CNOT10: variants seen among roughly 807,000 people sequenced by gnomAD.
CNOT10 encodes CCR4-NOT transcription complex, subunit 10.
A neutral mutation model predicts 94.6 loss-of-function variants in CNOT10; 30 were observed. The observed-to-expected ratio is 0.32, with a 90% CI of 0.24 to 0.43. CNOT10 has a LOEUF of 0.43. Among genes scored for constraint, CNOT10 ranks in the 20% least tolerant of loss-of-function variants. CNOT10 has a pLI of 1.00. For missense variants in CNOT10, 759 were observed against 877.2 expected (o/e 0.87, Z 1.70); for synonymous variants, 289 against 301.6 (o/e 0.96, Z 0.43).
chr3:32,693,239 C>A (rs1270034309), intron 1 of CNOT10, among the ~76,000 whole-genome samples: 1 of 151,766 alleles, frequency 6.6e-6, no homozygotes, highest in East Asian at 1.9e-4. Context: ...TTTTTTGAGG[C>A]AGGCTTTCAC....
chr3:32,736,592 T>A (rs1461771752), intron 12 of CNOT10, among the ~76,000 whole-genome samples: 4 of 152,196 alleles, frequency 2.6e-5, no homozygotes, highest in South Asian at 4.1e-4. Context: ...CTGTCCAACA[T>A]AATGAGACCC....
intron 1 of CNOT10, among the ~76,000 whole-genome samples, chr3:32,702,916 GTTT>G (rs112213079): frequency 7.1e-6 from 1 of 140,260 alleles, no homozygotes; most frequent in African/African-American, 2.6e-5. Context: ...GTTTTTTGTT[GTTT>G]TTTTTTTTTT....
chr3:32,764,839 T>C (rs756851478), intron 17 of CNOT10, 30 bp downstream of exon 17: 1 of 1,606,798 alleles, frequency 6.2e-7, no homozygotes, highest in African/African-American at 1.3e-5. Context: ...AACTGAACCT[T>C]GTAAAGCAGC....
At chr3:32,737,322 A>T in intron 12 of CNOT10, 88 bp from the exon 13 acceptor site, 2 of 829,624 alleles carry the variant, frequency 2.4e-6, no homozygotes, top group Admixed American at 2.4e-5. Context: ...TCAAAAAAAA[A>T]GTTGGGAGTA....
In CNOT10 at chr3:32,735,018, G is replaced by C. The variant is rs557937272; in HGVS notation, c.1514+42G>C. On this transcript the variant is annotated intron_variant, in intron 12 of 18. Transcript: ENST00000328834. ...GACCTCCTTTGGCAAAATCCTTTCA[G>C]GACTTCTTTAGTAAACCCTTTGTTC... 4.3e-5 allele frequency: 65 copies of C among 1,528,024 alleles called. 1 individual carries two copies. The East Asian group carries it at 1.4e-3, about 32-fold the overall frequency. 94.7% of individuals were successfully genotyped at this position (1,528,024 alleles called of 1,614,324 possible).
chr3:32,750,830 G>A (rs180874879), intron 13 of CNOT10, among the ~76,000 whole-genome samples: 31 of 152,256 alleles, frequency 2.0e-4, no homozygotes, highest in South Asian at 6.2e-4. Flanking sequence ...GATTACAGGC[G>A]TGAGCCACCG....
chr3:32,741,768 C>CAAAAAAAAAAAAAAAAAAAAA (rs529423159), intron 13 of CNOT10, among the ~76,000 whole-genome samples: 15 of 86,500 alleles, frequency 1.7e-4, no homozygotes, highest in East Asian at 4.0e-4. Flanking sequence ...GACTCCGTCT[C>CAAAAAAAAAAAAAAAAAAAAA]AAAAAAAAAA....
At chr3:32,744,755 G>T (rs1163842708) in intron 13 of CNOT10, among the ~76,000 whole-genome samples, 2 of 152,136 alleles carry the variant, frequency 1.3e-5, no homozygotes, top group African/African-American at 4.8e-5. Context: ...ATCCTTGAGG[G>T]ATTGGTTCTA....
chr3:32,773,498 C>A lies in CNOT10; in HGVS notation c.2122C>A (p.Leu708Met). Residue 708 changes from leucine (L) to methionine (M), a missense_variant, in exon 19 of 19, where the codon CTG becomes ATG. Physicochemically the swap from Leu to Met is conservative, Grantham distance 15. Coordinates refer to ENST00000328834, the MANE Select transcript of CNOT10 (RefSeq NM_015442.3). The part of the protein sequence containing the change: ...LALQIIKRNQ[L>M]LPAVKTHSEV... Reference sequence around the variant, plus strand: ...CTTACAGATCATCAAAAGGAATCAGCTGCTCCCTGCAGTGAAAACACACTC... The same window carrying A: ...CTTACAGATCATCAAAAGGAATCAGATGCTCCCTGCAGTGAAAACACACTC... The A allele has an allele frequency of 6.2e-7, 1 of 1,613,988 alleles. No individual in the cohort carries two copies. Among genetic ancestry groups the A allele is most frequent in the Middle Eastern group, 1.6e-4 (1 of 6,062 alleles).
At chr3:32,701,129 G>A (rs1024666172) in intron 1 of CNOT10, among the ~76,000 whole-genome samples, 6 of 152,152 alleles carry the variant, frequency 3.9e-5, no homozygotes, top group African/African-American at 7.2e-5. Flanking sequence ...AAAAAAATTA[G>A]CCAGGTGTGG....
At chr3:32,704,130 G>A (rs977332333) in intron 2 of CNOT10, among the ~76,000 whole-genome samples, 168 bp downstream of exon 2, 11 of 152,132 alleles carry the variant, frequency 7.2e-5, no homozygotes, top group African/African-American at 2.4e-4. Context: ...GTTTAAATAT[G>A]GTGAAAGGAA....
chr3:32,688,872 G>C (rs111817514), intron 1 of CNOT10, among the ~76,000 whole-genome samples: 5 of 151,972 alleles, frequency 3.3e-5, no homozygotes, highest in African/African-American at 4.8e-5. Flanking sequence ...CTTTGATCAC[G>C]CCACTGTCCA....
intron 13 of CNOT10, among the ~76,000 whole-genome samples, chr3:32,755,432 C>T (rs948050357): frequency 1.5e-4 from 23 of 151,158 alleles, no homozygotes; most frequent in African/African-American, 5.1e-4. Flanking sequence ...AATTCTCCTG[C>T]CTCAGCCTCC....
At chr3:32,706,912 A>T (rs1256474566) in intron 3 of CNOT10, among the ~76,000 whole-genome samples, 1 of 152,234 alleles carries the variant, frequency 6.6e-6, no homozygotes, top group Non-Finnish European at 1.5e-5. Flanking sequence ...CTAACATTTG[A>T]ACCATGTCAA....
chr3:32,717,185 C>A lies in CNOT10; in HGVS notation c.692C>A (p.Ser231Tyr). The A allele has an allele frequency of 6.2e-7, 1 of 1,609,302 alleles. No homozygotes were observed. The highest frequency in any genetic ancestry group is 8.5e-7 in the Non-Finnish European group (1 of 1,177,032). ...YKVRAYIQMK[S>Y]LKACKREIKS... Reference sequence around the variant, plus strand: ...GTACGAGCTTATATCCAAATGAAGTCTCTGAAAGCATGTAAAAGGGAAATC... The same window carrying A: ...GTACGAGCTTATATCCAAATGAAGTATCTGAAAGCATGTAAAAGGGAAATC... The change falls in exon 7 of 19, where the codon TCT becomes TAT. Residue 231 changes from serine (S) to tyrosine (Y), a missense_variant. Transcript: ENST00000328834.
intron 18 of CNOT10, among the ~76,000 whole-genome samples, chr3:32,771,632 CTAGA>C (rs551629919): frequency 3.9e-5 from 6 of 151,928 alleles, no homozygotes; most frequent in East Asian, 1.9e-4. Context: ...CTATATCTAT[CTAGA>C]TAGATAGATA....
intron 8 of CNOT10, among the ~76,000 whole-genome samples, chr3:32,721,686 G>T (rs1188886115): frequency 7.2e-6 from 1 of 138,354 alleles, no homozygotes. Flanking sequence ...TCCCTCCGTC[G>T]CCCAGGCTGG....
chr3:32,715,440 A>G (rs561753274), intron 5 of CNOT10, among the ~76,000 whole-genome samples: 54 of 152,316 alleles, frequency 3.5e-4, no homozygotes, highest in African/African-American at 1.3e-3. Flanking sequence ...AGAGAAATGC[A>G]GAGGAGAGCA....
chr3:32,725,463 A>G lies in CNOT10; in HGVS notation c.876A>G (p.Arg292=). ...CATTTTTTTCAGGTGAATGCTTGAG[A>G]TGCATGTTCTGGAATAACCTTGGTT... ...PGFMKTGECL[R]CMFWNNLGCI... The change falls in exon 9 of 19, where the codon AGA becomes AGG. Residue 292 remains arginine, a synonymous_variant. Coordinates refer to ENST00000328834, the MANE Select transcript of CNOT10 (RefSeq NM_015442.3). The G allele has an allele frequency of 1.2e-6, 2 of 1,613,190 alleles. No individual in the cohort carries two copies. Among genetic ancestry groups the G allele is most frequent in the Non-Finnish European group, 1.7e-6 (2 of 1,179,706 alleles).
Sources: gnomAD v4.1 joint callset for allele counts (sites outside exome capture counted in the v4.1 genomes callset) on GRCh38, gnomAD v4.1.1 for gene constraint, MANE v1.5 for transcripts, NCBI Gene and HGNC (gene_info 2026-07-23, HGNC 2026-07-21) for gene names.